Variants in CHEK1 observed in about 807,000 individuals in gnomAD.
CHEK1 encodes the protein checkpoint kinase 1, also known as serine/threonine-protein kinase Chk1.
A neutral mutation model predicts 60.2 loss-of-function variants in CHEK1; 32 were observed. The ratio of observed to expected loss-of-function variants is 0.53; its 90% CI spans 0.40 to 0.71. CHEK1 has a LOEUF of 0.71. Ranked by LOEUF, CHEK1 falls within the 30% of genes least tolerant of loss-of-function variation. The pLI, the probability that CHEK1 is intolerant of heterozygous loss-of-function variation, is 0.00. For synonymous variants in CHEK1, 179 were observed against 187.2 expected, an observed-to-expected ratio of 0.96 and a Z score of 0.36; for missense variants, 399 against 564.6, an observed-to-expected ratio of 0.71 and a Z score of 2.97.
At chr11:125,630,307 T>C (rs144356015) in intron 5 of CHEK1, among the ~76,000 whole-genome samples, 79 of 149,142 alleles carry the variant, frequency 5.3e-4, no homozygotes, top group African/African-American at 1.7e-3. Flanking sequence ...GCTTAACAAA[T>C]GGTCAGCTTT....
intron 10 of CHEK1, 41 bp from the exon 11 acceptor site, chr11:125,644,471 T>G (rs1406411906): frequency 1.2e-6 from 2 of 1,603,706 alleles, no homozygotes; most frequent in South Asian, 1.1e-5. Context: ...CTGTCTTTAG[T>G]CCTAATGGAT....
At chr11:125,644,790 C>T (rs1941439247) in intron 11 of CHEK1, 147 bp downstream of exon 11, 8 of 870,988 alleles carry the variant, frequency 9.2e-6, no homozygotes, top group African/African-American at 1.7e-5. Flanking sequence ...GGGCGGATCA[C>T]CTGAGGTCAG....
rs1426460534 is a variant in CHEK1, at chr11:125,629,243, G to T, written c.301G>T (p.Gly101Cys). The change falls in exon 4 of 13, where the codon GGC becomes TGC. Residue 101 changes from glycine to cysteine, a missense_variant. Physicochemically the swap from Gly to Cys is radical, Grantham distance 159. Around this residue, in one of 2 missense-constraint regions of CHEK1, gnomAD observed 370 missense variants for 494.8 expected, o/e 0.75. Coordinates refer to ENST00000438015, the MANE Select transcript of CHEK1 (RefSeq NM_001114122.3). ...ELFDRIEPDI[G>C]MPEPDAQRFF... ...CATATTTGTTTTAGAGCCAGACATA[G>T]GCATGCCTGAACCAGATGCTCAGAG... is the stretch of plus-strand genomic sequence containing the variant. The T allele has an allele frequency of 5.0e-6, 8 of 1,613,948 alleles. No individual in the cohort carries two copies. The highest frequency in any genetic ancestry group is 6.8e-6 in the Non-Finnish European group (8 of 1,179,956).
intron 5 of CHEK1, among the ~76,000 whole-genome samples, chr11:125,631,770 A>G (rs1241508686): frequency 7.0e-6 from 1 of 143,742 alleles, no homozygotes; most frequent in Non-Finnish European, 1.5e-5. Flanking sequence ...AAGCAGGAGG[A>G]TTGATCACTT....
At position 125,625,568 on chromosome 11, in the gene CHEK1, T is replaced by C; in HGVS notation, c.-465T>C. The C allele has an allele frequency of 1.7e-6, 1 of 589,144 alleles. No individual in the cohort carries two copies. The highest frequency in any genetic ancestry group is 2.1e-5 in the South Asian group (1 of 48,106). The allele number at this position is 589,144 out of a possible 1,614,324, so 36.5% of individuals were successfully genotyped here. A position where few individuals can be genotyped will look rare whatever the true frequency, so the allele number is the denominator to read the frequency against. ...GTCCTGTCCGGTGGCCTCACGCAGGTGGCGGTGCAGCCTTTCAGGCCCAGA... is the reference window on the plus strand; with the variant it reads ...GTCCTGTCCGGTGGCCTCACGCAGGCGGCGGTGCAGCCTTTCAGGCCCAGA... On this transcript the variant is annotated 5_prime_UTR_variant, in exon 1 of 13. Coordinates refer to ENST00000438015, the MANE Select transcript of CHEK1 (RefSeq NM_001114122.3).
At chr11:125,674,990 A>G (rs1442827386) in intron 13 of CHEK1, among the ~76,000 whole-genome samples, 1 of 152,204 alleles carries the variant, frequency 6.6e-6, no homozygotes, top group African/African-American at 2.4e-5. Context: ...CTGTCTCTGG[A>G]ATACCCATCA....
chr11:125,672,543 T>C, intron 13 of CHEK1: 3 of 1,604,960 alleles, frequency 1.9e-6, no homozygotes, highest in Non-Finnish European at 2.5e-6. Flanking sequence ...CCAAATAGAG[T>C]GATGGAGGCT....
At chr11:125,632,460 T>C (rs1226616821) in intron 5 of CHEK1, among the ~76,000 whole-genome samples, 3 of 152,196 alleles carry the variant, frequency 2.0e-5, no homozygotes, top group Non-Finnish European at 4.4e-5. Context: ...ATAACCTTCA[T>C]AACAGTTTTC....
Position 125,644,209 on chromosome 11 carries a change from A to G in CHEK1, c.1042A>G (p.Thr348Ala). The change falls in exon 10 of 13, where the codon ACA becomes GCA. Residue 348 changes from threonine to alanine, a missense_variant. Coordinates refer to ENST00000438015, the MANE Select transcript of CHEK1 (RefSeq NM_001114122.3). ...ACAAGGGATCAGCTTTTCCCAGCCC[A>G]CATGTCCTGATCATATGCTTTTGAA... The part of the protein sequence containing the change: ...LVQGISFSQP[T>A]CPDHMLLNSQ... The G allele has an allele frequency of 6.2e-7, 1 of 1,614,166 alleles. No individual in the cohort carries two copies. Among genetic ancestry groups the G allele is most frequent in the East Asian group, 2.2e-5 (1 of 44,874 alleles).
chr11:125,672,448 G>T, intron 13 of CHEK1: 1 of 879,428 alleles, frequency 1.1e-6, no homozygotes, highest in Non-Finnish European at 1.7e-6. Context: ...GAAGAAGAAA[G>T]ATAGGATGTT....
At chr11:125,629,519 T>A in intron 5 of CHEK1, 59 bp downstream of exon 5, 2 of 1,217,866 alleles carry the variant, frequency 1.6e-6, no homozygotes, top group Non-Finnish European at 2.3e-6. Context: ...TAAATTATTT[T>A]AATTACCTAA....
At chr11:125,678,106 C>T (rs199895415), downstream of CHEK1, 17 of 1,614,056 alleles carry the variant, frequency 1.1e-5, no homozygotes, top group South Asian at 2.2e-5. Flanking sequence ...GAAGTGTGCT[C>T]GGCCACAGTG....
intron 11 of CHEK1, among the ~76,000 whole-genome samples, chr11:125,650,850 G>A (rs1941697826): frequency 6.6e-6 from 1 of 152,112 alleles, no homozygotes; most frequent in African/African-American, 2.4e-5. Context: ...CTTAAATTCT[G>A]TATACCAAAA....
At chr11:125,626,968 G>A in intron 2 of CHEK1, 135 bp downstream of exon 2, 1 of 908,632 alleles carries the variant, frequency 1.1e-6, no homozygotes, top group Non-Finnish European at 1.7e-6. Flanking sequence ...CCTTTTGCTA[G>A]GATTAAAAAT....
At chr11:125,679,095 G>A (rs2134130656), downstream of CHEK1, among the ~76,000 whole-genome samples, 1 of 148,816 alleles carries the variant, frequency 6.7e-6, no homozygotes, top group Non-Finnish European at 1.5e-5. Flanking sequence ...ATTGTGAAGT[G>A]CACCATTGCC....
At chr11:125,636,299 G>A (rs1422414031) in intron 7 of CHEK1, among the ~76,000 whole-genome samples, 4 of 152,232 alleles carry the variant, frequency 2.6e-5, no homozygotes, top group South Asian at 2.1e-4. Flanking sequence ...GGTCTACATC[G>A]TTGGTTTAAA....
chr11:125,635,414 T>A lies in CHEK1; in HGVS notation c.614-15T>A. On this transcript the variant is annotated splice_polypyrimidine_tract_variant and intron_variant, in intron 6 of 12. Coordinates refer to ENST00000438015, the MANE Select transcript of CHEK1 (RefSeq NM_001114122.3). ...TAAGAACATTTAAAAAAACTGGGAC[T>A]TGCTTTGTTTTTAGAATTGCCATGG... The A allele has an allele frequency of 6.8e-7, 1 of 1,479,420 alleles. No individual in the cohort carries two copies. The highest frequency in any genetic ancestry group is 1.3e-5 in the South Asian group (1 of 78,062). 91.6% of individuals were successfully genotyped at this position (1,479,420 alleles called of 1,614,324 possible). A position where few individuals can be genotyped will look rare whatever the true frequency, so the allele number is the denominator to read the frequency against.
chr11:125,676,347 G>T, downstream of CHEK1: 1 of 1,613,230 alleles, frequency 6.2e-7, no homozygotes, highest in Non-Finnish European at 8.5e-7. Context: ...GCCTCATGAA[G>T]TCCCCATATA....
At chr11:125,679,167 A>G (rs1364015542), downstream of CHEK1, among the ~76,000 whole-genome samples, 2 of 142,220 alleles carry the variant, frequency 1.4e-5, no homozygotes, top group African/African-American at 2.6e-5. Flanking sequence ...AAACTCTTAC[A>G]TGGTTATTTT....
Sources: gnomAD v4.1 joint callset for allele counts (sites outside exome capture counted in the v4.1 genomes callset) on GRCh38, gnomAD v4.1.1 for gene constraint, gnomAD v4.1.1 regional missense constraint, MANE v1.5 for transcripts, NCBI Gene and HGNC (gene_info 2026-07-23, HGNC 2026-07-21) for gene names.